The following GSE1 variants were observed in gnomAD, a reference collection of about 807,000 sequenced individuals.
GSE1 encodes Gse1 coiled-coil protein.
Under a neutral mutation model 112.6 loss-of-function variants are expected in GSE1, and 32 were observed. The ratio of observed to expected loss-of-function variants is 0.28; its 90% CI spans 0.21 to 0.38. The LOEUF (loss-of-function observed/expected upper bound fraction) is 0.38. Ranked by LOEUF, GSE1 falls within the 10% of genes least tolerant of loss-of-function variation. The pLI is 1.00. For synonymous variants in GSE1, 1,115 were observed against 735.6 expected (o/e 1.52, Z -8.35); for missense variants, 2,348 against 1,699.2 (o/e 1.38, Z -6.71).
chr16:85,408,703 T>C (rs1180628887), intron 2 of GSE1, among the ~76,000 whole-genome samples: 1 of 59,466 alleles, frequency 1.7e-5, no homozygotes, highest in African/African-American at 8.8e-5. Flanking sequence ...TAATCCTCAC[T>C]GTTACACTCA....
chr16:85,270,058 CCCATGCTCCTCCTT>C (rs1308220773), intron 1 of GSE1, among the ~76,000 whole-genome samples: 69 of 149,324 alleles, frequency 4.6e-4, no homozygotes, highest in African/African-American at 1.6e-3. Context: ...TGGACTCCAC[CCCATGCTCCTCCTT>C]CCATGCGGCT....
Position 85,227,311 on chromosome 16 carries a change from C to A in GSE1, c.2283+55504C>A, listed in dbSNP as rs574332482. Among the ~76,000 whole-genome samples the A allele has an allele frequency of 7.2e-5, 11 of 152,324 alleles. No individual in the cohort carries two copies. In the South Asian group the frequency reaches 2.3e-3, roughly 32 times the overall value. ...TCATCCTGCAGTGGTTTAGTGAGCA[C>A]CTGCTGTTCTCAGTGAAGGCTACTG... On this transcript the variant is annotated intron_variant, in intron 1 of 2. Transcript: ENST00000637419.
intron 1 of GSE1, among the ~76,000 whole-genome samples, chr16:85,266,107 G>A (rs776149303): frequency 6.6e-6 from 1 of 152,154 alleles, no homozygotes; most frequent in South Asian, 2.1e-4. Flanking sequence ...CAAGGAGCCC[G>A]AGGCTCCCCA....
At chr16:85,636,112 G>T (rs1431587686) in intron 2 of GSE1, among the ~76,000 whole-genome samples, 1 of 152,238 alleles carries the variant, frequency 6.6e-6, no homozygotes, top group Non-Finnish European at 1.5e-5. Context: ...TGGCCTCGTG[G>T]CCCTGCTCCC....
intron 1 of GSE1, among the ~76,000 whole-genome samples, chr16:85,343,499 A>T (rs56282837): frequency 6.6e-6 from 1 of 152,082 alleles, no homozygotes; most frequent in African/African-American, 2.4e-5. Flanking sequence ...CTGTAATCCT[A>T]GAATTTTGGG....
At chr16:85,503,970 G>C (rs183749000) in intron 2 of GSE1, among the ~76,000 whole-genome samples, 2 of 152,370 alleles carry the variant, frequency 1.3e-5, no homozygotes, top group East Asian at 3.9e-4. Context: ...TTCATTAGGA[G>C]GGAGGGTCAG....
intron 1 of GSE1, among the ~76,000 whole-genome samples, chr16:85,255,099 G>A (rs1333366891): frequency 1.8e-4 from 28 of 152,198 alleles, no homozygotes; most frequent in Non-Finnish European, 2.9e-5. Context: ...CGGCGGCGGC[G>A]GTCGCTGTTG....
chr16:85,490,263 A>T (rs994974307), intron 2 of GSE1: 1 of 152,122 alleles, frequency 6.6e-6, no homozygotes, highest in African/African-American at 2.4e-5. Flanking sequence ...AATCAACAAG[A>T]GCTGCTAGGT....
intron 1 of GSE1, among the ~76,000 whole-genome samples, chr16:85,306,962 C>T (rs556127639): frequency 3.9e-5 from 6 of 152,364 alleles, no homozygotes; most frequent in East Asian, 3.9e-4. Context: ...ACACATCCAG[C>T]GCTGTGCCCA....
chr16:85,297,903 G>T (rs924963953), intron 1 of GSE1, among the ~76,000 whole-genome samples: 1 of 152,196 alleles, frequency 6.6e-6, no homozygotes, highest in African/African-American at 2.4e-5. Context: ...TCAGGGTGCC[G>T]TGGAACTTGA....
intron 10 of GSE1, 85 bp from the exon 11 acceptor site, chr16:85,663,259 G>A (rs772187283): frequency 4.7e-6 from 7 of 1,482,332 alleles, no homozygotes; most frequent in East Asian, 2.3e-5. Context: ...CCCACACTTC[G>A]AGGACCCCAG....
chr16:85,182,850 C>T (rs942851108), intron 1 of GSE1, among the ~76,000 whole-genome samples: 2 of 152,158 alleles, frequency 1.3e-5, no homozygotes, highest in South Asian at 2.1e-4. Context: ...GTAGTTTTGC[C>T]CCCACCACTC....
Position 85,602,180 on chromosome 16 carries a change from G to C in GSE1, c.37+45817G>C, listed in dbSNP as rs78111323. On this transcript the variant is annotated intron_variant, in intron 1 of 2. Transcript: ENST00000635906. ...AACGAATGCTGATTCTGAGCAGCCA[G>C]GACTGCTGCCAGGGCCGGGTTAGCA... Among the ~76,000 whole-genome samples, 98 of 152,300 alleles carry C rather than the reference G, an allele frequency of 6.4e-4. No individual in the cohort carries two copies. In the East Asian group the frequency reaches 0.016, roughly 25 times the overall value.
At position 85,657,496 on chromosome 16, in the gene GSE1, G is replaced by A. The variant is rs564385667; in HGVS notation, c.1532G>A (p.Arg511Gln). The A allele has an allele frequency of 1.4e-5, 22 of 1,606,232 alleles. No individual in the cohort carries two copies. The highest frequency in any genetic ancestry group is 7.8e-5 in the South Asian group (7 of 90,196). Residue 511 changes from arginine to glutamine, a missense_variant, in exon 8 of 16, where the codon CGG becomes CAG. Transcript: ENST00000253458. Reference sequence around the variant, plus strand: ...CGGCTGCGGCAGGAGAAGGAGGACCGGCAGTCTCAGGTGTCCGAGTTCCGG... The same window carrying A: ...CGGCTGCGGCAGGAGAAGGAGGACCAGCAGTCTCAGGTGTCCGAGTTCCGG... ...QRRLRQEKEDRQSQVSEFRQQ... is the reference protein window; with the variant it reads ...QRRLRQEKEDQQSQVSEFRQQ...
At position 85,373,694 on chromosome 16, in the gene GSE1, T is replaced by C. The variant is rs550028337; in HGVS notation, c.2464+16051T>C. Among the ~76,000 whole-genome samples the C allele has an allele frequency of 2.0e-5, 3 of 151,730 alleles. No homozygotes were observed. Among genetic ancestry groups the C allele is most frequent in the Non-Finnish European group, 4.4e-5 (3 of 67,904 alleles). On this transcript the variant is annotated intron_variant, in intron 2 of 2. Transcript: ENST00000637419. The surrounding 1 kb of genome is among the most constrained non-coding windows in gnomAD (Gnocchi z 5.1). ...CAGGTGCTCCAGGGAGATTCTGGAGTGAACAGGTGTGTGGCGGGTGGGTGG... is the reference window on the plus strand; with the variant it reads ...CAGGTGCTCCAGGGAGATTCTGGAGCGAACAGGTGTGTGGCGGGTGGGTGG...
rs575835521 is a variant in GSE1, at chr16:85,491,148, T to TG, written c.2464+133506dup. Among the ~76,000 whole-genome samples the TG allele has an allele frequency of 2.6e-5, 4 of 152,310 alleles. No individual in the cohort carries two copies. The South Asian group carries it at 8.3e-4, about 32-fold the overall frequency. ...CACCAGAGCAGATGGAAAGAGCTTT[T>TG]GAGCCTTCTCAGCTGCAGGTCAGCC... On this transcript the variant is annotated intron_variant, in intron 2 of 2. Coordinates refer to the GSE1 transcript ENST00000637419.
At chr16:85,316,495 G>C (rs574302975) in intron 1 of GSE1, among the ~76,000 whole-genome samples, 2 of 152,130 alleles carry the variant, frequency 1.3e-5, no homozygotes, top group African/African-American at 4.8e-5. Flanking sequence ...CTCTCTGCCC[G>C]GTGAAGAGCG....
chr16:85,425,862 C>T lies in GSE1; in HGVS notation c.2464+68219C>T, dbSNP rs191267006. On this transcript the variant is annotated intron_variant, in intron 2 of 2. Transcript: ENST00000637419. ...CTGAACATCCTAGACTGAGACCTCA[C>T]AATATCATCCCTTTCTTTTAGATGG... Among the ~76,000 whole-genome samples, 4 of 152,344 alleles carry T rather than the reference C, an allele frequency of 2.6e-5. No individual in the cohort carries two copies. The East Asian group carries it at 7.7e-4, about 29-fold the overall frequency.
intron 2 of GSE1, among the ~76,000 whole-genome samples, chr16:85,449,616 G>A (rs2049616949): frequency 6.6e-6 from 1 of 152,260 alleles, no homozygotes; most frequent in South Asian, 2.1e-4. Flanking sequence ...CGCTTATGAA[G>A]CCCAAATGCC....
Sources: gnomAD v4.1 joint callset for allele counts (sites outside exome capture counted in the v4.1 genomes callset) on GRCh38, gnomAD v4.1.1 for gene constraint, Gnocchi (gnomAD v3.1) non-coding constraint, MANE v1.5 for transcripts, NCBI Gene and HGNC (gene_info 2026-07-23, HGNC 2026-07-21) for gene names.